The following ADAM32 variants were observed in gnomAD, a reference collection of about 807,000 sequenced individuals.
ADAM32 encodes the protein ADAM metallopeptidase domain 32.
A neutral mutation model predicts 114.9 loss-of-function variants in ADAM32; 89 were observed. The ratio of observed to expected loss-of-function variants is 0.77; its 90% confidence interval spans 0.65 to 0.92. The LOEUF (loss-of-function observed/expected upper bound fraction) is 0.92. ADAM32 is among the 40% of genes least tolerant of loss of function. ADAM32 has a pLI of 0.00. For missense variants in ADAM32, 870 were observed against 932.8 expected (o/e 0.93, Z 0.88); for synonymous variants, 285 against 307.5 (o/e 0.93, Z 0.77).
At chr8:39,212,258 C>T (rs1808274291) in intron 12 of ADAM32, among the ~76,000 whole-genome samples, 3 of 152,122 alleles carry the variant, frequency 2.0e-5, no homozygotes, top group Admixed American at 2.0e-4. Flanking sequence ...AAGTAATCCA[C>T]CTGCCTCGGC....
At chr8:39,200,301 AAT>A (rs1807310506) in intron 11 of ADAM32, among the ~76,000 whole-genome samples, 1 of 152,114 alleles carries the variant, frequency 6.6e-6, no homozygotes, top group Non-Finnish European at 1.5e-5. Context: ...CTGACTTTTT[AAT>A]GATTGCCATT....
chr8:39,273,946 A>G (rs1402444327), intron 20 of ADAM32, among the ~76,000 whole-genome samples: 2 of 152,230 alleles, frequency 1.3e-5, no homozygotes, highest in African/African-American at 4.8e-5. Context: ...TAAAAAGCCA[A>G]AAGTTGGGGT....
At chr8:39,172,891 G>T (rs1383970307) in intron 10 of ADAM32, among the ~76,000 whole-genome samples, 2 of 152,194 alleles carry the variant, frequency 1.3e-5, no homozygotes, top group Non-Finnish European at 2.9e-5. Context: ...TGGTGTTTCT[G>T]CCTCTAGGTC....
At chr8:39,192,436 C>T (rs145360356) in intron 11 of ADAM32, among the ~76,000 whole-genome samples, 1 of 152,286 alleles carries the variant, frequency 6.6e-6, no homozygotes, top group East Asian at 1.9e-4. Flanking sequence ...TTCTTGAAGA[C>T]AGCATATCAT....
At chr8:39,213,307 A>G (rs1196572572) in intron 12 of ADAM32, among the ~76,000 whole-genome samples, 1 of 152,096 alleles carries the variant, frequency 6.6e-6, no homozygotes, top group Non-Finnish European at 1.5e-5. Context: ...ACCACCTCAT[A>G]TATTTATATT....
chr8:39,271,230 C>T (rs188906299), intron 20 of ADAM32, among the ~76,000 whole-genome samples: 103 of 152,192 alleles, frequency 6.8e-4, no homozygotes, highest in Non-Finnish European at 8.2e-4. Flanking sequence ...TATAGAGGCA[C>T]GTGCTGTATA....
rs1803552446 is a variant in ADAM32 at position 39,147,111 on chromosome 8, C to T, written c.201-19C>T. On this transcript the variant is annotated intron_variant, in intron 3 of 24. Coordinates refer to ENST00000379907, the MANE Select transcript of ADAM32 (RefSeq NM_145004.7). Reference sequence around the variant, plus strand: ...TCAAAAAGAATAATTAAAAAAATTTCCTCTTTTTTTATATTCAGATATTTT... The same window carrying T: ...TCAAAAAGAATAATTAAAAAAATTTTCTCTTTTTTTATATTCAGATATTTT... 3 of 908,616 alleles carry T rather than the reference C, an allele frequency of 3.3e-6. No homozygotes were observed. The highest frequency in any genetic ancestry group is 3.4e-5 in the African/African-American group (2 of 58,316). The allele number at this position is 908,616 out of a possible 1,614,324, so 56.3% of individuals were successfully genotyped here.
chr8:39,167,339 G>A (rs1015121968), intron 9 of ADAM32: 3 of 152,152 alleles, frequency 2.0e-5, no homozygotes, highest in African/African-American at 7.2e-5. Flanking sequence ...CTTTGCTGAA[G>A]ATCAGTTGGC....
chr8:39,267,357 A>G (rs1026094004), intron 19 of ADAM32, among the ~76,000 whole-genome samples: 2 of 152,152 alleles, frequency 1.3e-5, no homozygotes, highest in Non-Finnish European at 2.9e-5. Context: ...CTTTGTCTGG[A>G]TTATTTACAT....
intron 17 of ADAM32, 28 bp downstream of exon 17, chr8:39,246,194 A>G: frequency 6.3e-7 from 1 of 1,594,352 alleles, no homozygotes; most frequent in South Asian, 1.1e-5. Context: ...TCCCTGAATC[A>G]CATTTCTTGG....
At chr8:39,202,617 G>A (rs1004014016) in intron 11 of ADAM32, among the ~76,000 whole-genome samples, 7 of 151,940 alleles carry the variant, frequency 4.6e-5, no homozygotes, top group South Asian at 2.1e-4. Context: ...GTTTTCTTTT[G>A]TATCTCTATC....
chr8:39,123,729 TGG>T, intron 2 of ADAM32, among the ~76,000 whole-genome samples: 1 of 150,020 alleles, frequency 6.7e-6, no homozygotes, highest in South Asian at 2.1e-4. Flanking sequence ...TTGTTTGAGT[TGG>T]AGTCTCACTC....
chr8:39,160,813 C>T (rs1804460154), intron 6 of ADAM32, 84 bp from the exon 7 acceptor site: 2 of 1,153,202 alleles, frequency 1.7e-6, no homozygotes. Context: ...CTTGTAAGTG[C>T]TGTGGTATTA....
intron 3 of ADAM32, among the ~76,000 whole-genome samples, chr8:39,137,038 G>T (rs1195870855): frequency 6.6e-6 from 1 of 152,208 alleles, no homozygotes; most frequent in Non-Finnish European, 1.5e-5. Context: ...GTTTATATCA[G>T]TTAGGGTTTT....
chr8:39,225,351 C>A lies in ADAM32; in HGVS notation c.1525+2113C>A, dbSNP rs552225145. ...CAAACACCCACTCTACTTCATACAT[C>A]ATTACTTATGTGGAAGCAGGGCTGT... On this transcript the variant is annotated intron_variant, in intron 14 of 24. Transcript: ENST00000379907. 2.0e-5 allele frequency among the ~76,000 whole-genome samples: 3 copies of A among 152,302 alleles called. No individual in the cohort carries two copies. In the South Asian group the frequency reaches 6.2e-4, roughly 32 times the overall value.
intron 16 of ADAM32, among the ~76,000 whole-genome samples, chr8:39,238,075 T>G (rs547329178): frequency 6.6e-5 from 10 of 152,244 alleles, no homozygotes; most frequent in Non-Finnish European, 1.2e-4. Context: ...CCAGAGGTCC[T>G]GAGTCTGTCC....
chr8:39,217,247 C>G (rs1273969849), intron 12 of ADAM32, among the ~76,000 whole-genome samples: 2 of 152,034 alleles, frequency 1.3e-5, no homozygotes, highest in Non-Finnish European at 2.9e-5. Context: ...ATTGAATCTC[C>G]ATTGTATATT....
intron 11 of ADAM32, among the ~76,000 whole-genome samples, chr8:39,197,914 G>T (rs1363174782): frequency 6.6e-6 from 1 of 152,170 alleles, no homozygotes; most frequent in Non-Finnish European, 1.5e-5. Context: ...TTCAAGAGGG[G>T]TGTTGGAGTC....
intron 11 of ADAM32, among the ~76,000 whole-genome samples, chr8:39,195,433 T>C (rs1352658236): frequency 1.3e-5 from 2 of 152,246 alleles, no homozygotes; most frequent in African/African-American, 4.8e-5. Context: ...AGTTTTTTAG[T>C]TTAATAGAGT....
Sources: allele counts gnomAD v4.1 joint callset (sites outside exome capture counted in the v4.1 genomes callset), GRCh38; gene constraint gnomAD v4.1.1; transcripts MANE v1.5; gene names NCBI Gene and HGNC (gene_info 2026-07-23, HGNC 2026-07-21).